Variants in CSMD3 observed in about 807,000 individuals in gnomAD.
CSMD3 encodes CUB and sushi domain-containing protein 3.
CSMD3 carries 177 observed loss-of-function variants against 435.2 expected under a neutral mutation model. That is an observed-to-expected ratio of 0.41 (90% CI 0.36 to 0.46). The LOEUF is 0.46. Among genes scored for constraint, CSMD3 ranks in the 20% least tolerant of loss-of-function variants. The pLI, the probability that CSMD3 is intolerant of heterozygous loss-of-function variation, is 0.34. For synonymous variants in CSMD3, 1,656 were observed against 1,520.5 expected, an observed-to-expected ratio of 1.09 and a Z score of -2.07; for missense variants, 4,265 against 4,504.6, an observed-to-expected ratio of 0.95 and a Z score of 1.52.
At chr8:113,405,356 A>G (rs776828088) in intron 1 of CSMD3, among the ~76,000 whole-genome samples, 1 of 151,558 alleles carries the variant, frequency 6.6e-6, no homozygotes, top group African/African-American at 2.4e-5. Flanking sequence ...TCCTAACAGT[A>G]TGTCTTATTT....
At chr8:112,935,646 C>T (rs749046403) in intron 9 of CSMD3, among the ~76,000 whole-genome samples, 1 of 151,176 alleles carries the variant, frequency 6.6e-6, no homozygotes, top group African/African-American at 2.4e-5. Context: ...AGAAAAGATG[C>T]TATAATGACT....
chr8:113,228,634 C>T (rs2093053130), intron 3 of CSMD3, among the ~76,000 whole-genome samples: 1 of 151,438 alleles, frequency 6.6e-6, no homozygotes, highest in South Asian at 2.1e-4. Context: ...AAACATCCTC[C>T]TCCTTCTAAT....
chr8:112,676,617 C>G (rs1181613465), intron 16 of CSMD3, among the ~76,000 whole-genome samples: 1 of 152,034 alleles, frequency 6.6e-6, no homozygotes, highest in Non-Finnish European at 1.5e-5. Context: ...AAATCCTTTT[C>G]AACTTTCAAT....
chr8:112,254,883 A>AT (rs1359604129), intron 62 of CSMD3, among the ~76,000 whole-genome samples: 3 of 152,130 alleles, frequency 2.0e-5, no homozygotes, highest in African/African-American at 7.2e-5. Flanking sequence ...AGTTACAATC[A>AT]TTTTGAAATC....
intron 19 of CSMD3, among the ~76,000 whole-genome samples, chr8:112,646,937 CAA>C (rs1457911104): frequency 6.6e-6 from 1 of 152,036 alleles, no homozygotes; most frequent in African/African-American, 2.4e-5. Flanking sequence ...TTATCAGAAA[CAA>C]GAGCAAACTG....
At chr8:112,777,235 T>A (rs927519547) in intron 13 of CSMD3, among the ~76,000 whole-genome samples, 2 of 151,716 alleles carry the variant, frequency 1.3e-5, no homozygotes, top group Non-Finnish European at 3.0e-5. Context: ...CAATATGAAA[T>A]TTTTCTCCCA....
chr8:113,370,377 A>G (rs948211839), intron 1 of CSMD3, among the ~76,000 whole-genome samples: 1 of 151,548 alleles, frequency 6.6e-6, no homozygotes, highest in Admixed American at 6.6e-5. Context: ...TACTTAAAAG[A>G]TAGAATCTAA....
intron 3 of CSMD3, among the ~76,000 whole-genome samples, chr8:113,246,363 A>G (rs1355849721): frequency 6.6e-6 from 1 of 152,018 alleles, no homozygotes; most frequent in African/African-American, 2.4e-5. Flanking sequence ...AATCTCATCT[A>G]GCAAATTTTT....
At chr8:112,479,149 G>C (rs150897891) in intron 31 of CSMD3, among the ~76,000 whole-genome samples, 62 of 152,318 alleles carry the variant, frequency 4.1e-4, no homozygotes, top group African/African-American at 1.5e-3. Context: ...ACACATCAGC[G>C]TGGCCCAGTG....
intron 1 of CSMD3, chr8:113,377,132 C>G (rs1197517632): frequency 7.9e-7 from 1 of 1,258,142 alleles, no homozygotes; most frequent in African/African-American, 1.5e-5. Context: ...CTCTCCGGTC[C>G]TCCAAAGGGC....
At chr8:112,439,063 C>A (rs1586326966) in intron 32 of CSMD3, among the ~76,000 whole-genome samples, 1 of 152,168 alleles carries the variant, frequency 6.6e-6, no homozygotes, top group Non-Finnish European at 1.5e-5. Context: ...GCATGCTTCA[C>A]AGATATATTA....
chr8:113,281,726 T>C (rs1266276204), intron 2 of CSMD3, among the ~76,000 whole-genome samples: 1 of 151,858 alleles, frequency 6.6e-6, no homozygotes, highest in Non-Finnish European at 1.5e-5. Flanking sequence ...TACTTTGTTT[T>C]TTATTTGTTT....
chr8:113,257,895 A>C (rs546406948), intron 3 of CSMD3, among the ~76,000 whole-genome samples: 1 of 152,094 alleles, frequency 6.6e-6, no homozygotes, highest in Non-Finnish European at 1.5e-5. Flanking sequence ...CTAAGAAAAA[A>C]ATTTTTTTTA....
chr8:112,832,319 T>C (rs2079900195), intron 11 of CSMD3, among the ~76,000 whole-genome samples: 1 of 152,154 alleles, frequency 6.6e-6, no homozygotes, highest in Admixed American at 6.6e-5. Context: ...GGATTATCAA[T>C]CCTATGATTA....
intron 13 of CSMD3, among the ~76,000 whole-genome samples, chr8:112,755,188 G>A (rs563198240): frequency 1.8e-4 from 28 of 151,900 alleles, no homozygotes; most frequent in Admixed American, 9.2e-4. Flanking sequence ...AAAATTAGCC[G>A]GGCGTGGTGG....
chr8:112,868,602 C>T (rs998835603), intron 10 of CSMD3, among the ~76,000 whole-genome samples: 2 of 152,010 alleles, frequency 1.3e-5, no homozygotes, highest in Non-Finnish European at 1.5e-5. Flanking sequence ...GTATATGTTA[C>T]ACATGACTGT....
chr8:112,762,183 C>T (rs2077855151), intron 13 of CSMD3, among the ~76,000 whole-genome samples: 1 of 151,932 alleles, frequency 6.6e-6, no homozygotes, highest in South Asian at 2.1e-4. Context: ...TAAAATTTAT[C>T]TGCATCATCT....
chr8:112,988,789 G>T (rs2085344814), intron 6 of CSMD3, among the ~76,000 whole-genome samples: 1 of 151,934 alleles, frequency 6.6e-6, no homozygotes, highest in South Asian at 2.1e-4. Flanking sequence ...GCATCCATTA[G>T]TACTCAGCCA....
chr8:113,141,547 A>G (rs2091548285), intron 4 of CSMD3, among the ~76,000 whole-genome samples: 1 of 151,130 alleles, frequency 6.6e-6, no homozygotes, highest in Non-Finnish European at 1.5e-5. Context: ...AATCATTATA[A>G]TTCACCATAT....
Sources: allele counts gnomAD v4.1 joint callset (sites outside exome capture counted in the v4.1 genomes callset), GRCh38; gene constraint gnomAD v4.1.1; transcripts MANE v1.5; gene names NCBI Gene and HGNC (gene_info 2026-07-23, HGNC 2026-07-21).